Variants in ZKSCAN1 observed in about 807,000 individuals in gnomAD.
ZKSCAN1 encodes zinc finger with KRAB and SCAN domains 1.
Under a neutral mutation model 51.6 loss-of-function variants are expected in ZKSCAN1, and 14 were observed. The ratio of observed to expected loss-of-function variants is 0.27; its 90% CI spans 0.18 to 0.42. ZKSCAN1 has a LOEUF of 0.42. ZKSCAN1 is among the 10% of genes least tolerant of loss of function. The pLI is 1.00. For synonymous variants in ZKSCAN1, 263 were observed against 261.5 expected (o/e 1.01, Z -0.06); for missense variants, 531 against 710.0 (o/e 0.75, Z 2.86).
chr7:100,044,617 C>T (rs1285511454), downstream of ZKSCAN1, among the ~76,000 whole-genome samples: 1 of 145,264 alleles, frequency 6.9e-6, no homozygotes, highest in African/African-American at 2.6e-5. Flanking sequence ...GGAGGTGGAG[C>T]TTGCAATGAG....
At chr7:100,029,593 A>G (rs1194090102) in intron 3 of ZKSCAN1, among the ~76,000 whole-genome samples, 1 of 152,168 alleles carries the variant, frequency 6.6e-6, no homozygotes, top group Non-Finnish European at 1.5e-5. Context: ...AGTCATTTGC[A>G]GTCTCAGGGA....
intron 1 of ZKSCAN1, among the ~76,000 whole-genome samples, chr7:100,016,326 A>G (rs916335580): frequency 2.0e-5 from 3 of 152,070 alleles, no homozygotes. Flanking sequence ...TAGAGATTAT[A>G]TACACCCCAC....
downstream of ZKSCAN1, among the ~76,000 whole-genome samples, chr7:100,043,677 A>AAAATCCAG (rs1791653393): frequency 6.6e-6 from 1 of 151,936 alleles, no homozygotes; most frequent in South Asian, 2.1e-4. Context: ...GCAAGGGCCT[A>AAAATCCAG]AAATCCAGTT....
chr7:100,029,970 T>G lies in ZKSCAN1; in HGVS notation c.672+18T>G. On this transcript the variant is annotated intron_variant, in intron 4 of 5. Transcript: ENST00000324306. ...ATTCCCAGGTGAGCTGTGGCCCCTC[T>G]GCTCTCCTGAGTCCTCAGTGTCTGC... The G allele has an allele frequency of 6.2e-7, 1 of 1,612,792 alleles. No individual in the cohort carries two copies. Among genetic ancestry groups the G allele is most frequent in the Non-Finnish European group, 8.5e-7 (1 of 1,178,770 alleles).
At chr7:100,044,589 G>A (rs1160347849), downstream of ZKSCAN1, among the ~76,000 whole-genome samples, 1 of 150,994 alleles carries the variant, frequency 6.6e-6, no homozygotes, top group Non-Finnish European at 1.5e-5. Flanking sequence ...GCTGAGGCAG[G>A]AGAATGGCGT....
chr7:100,032,374 C>T (rs965355399), intron 5 of ZKSCAN1, among the ~76,000 whole-genome samples: 1 of 152,128 alleles, frequency 6.6e-6, no homozygotes, highest in African/African-American at 2.4e-5. Context: ...GTTGTCTTCC[C>T]TCTGCTCATT....
chr7:100,045,313 C>T (rs912742026), downstream of ZKSCAN1, among the ~76,000 whole-genome samples: 3 of 151,836 alleles, frequency 2.0e-5, no homozygotes, highest in African/African-American at 2.4e-5. Context: ...TTTAGGAGGC[C>T]GAGGTGGGCA....
intron 1 of ZKSCAN1, among the ~76,000 whole-genome samples, chr7:100,017,239 T>C (rs1039956153): frequency 6.6e-6 from 1 of 152,168 alleles, no homozygotes; most frequent in Non-Finnish European, 1.5e-5. Flanking sequence ...TTTTTTTTTT[T>C]TGAGACAGAG....
Position 100,037,750 on chromosome 7 carries a change from G to C in ZKSCAN1, c.*3553G>C, listed in dbSNP as rs1313163739. 4.1e-6 allele frequency: 4 copies of C among 983,750 alleles called. No individual in the cohort carries two copies. The African/African-American group carries it at 5.2e-5, about 13-fold the overall frequency. The allele number at this position is 983,750 out of a possible 1,614,324, so 60.9% of individuals were successfully genotyped here. On this transcript the variant is annotated 3_prime_UTR_variant, in exon 6 of 6. Transcript: ENST00000324306. ...AGCTCAATCTTGGCCGGGCGCCGTGGCTCACGCCTGTAATCGCAGCACTTT... is the reference window on the plus strand; with the variant it reads ...AGCTCAATCTTGGCCGGGCGCCGTGCCTCACGCCTGTAATCGCAGCACTTT...
intron 1 of ZKSCAN1, among the ~76,000 whole-genome samples, chr7:100,020,274 A>G (rs1468415423): frequency 1.3e-5 from 2 of 152,312 alleles, no homozygotes; most frequent in East Asian, 3.9e-4. Context: ...ATGGCAGTCA[A>G]AATACAAGGC....
intron 1 of ZKSCAN1, among the ~76,000 whole-genome samples, chr7:100,022,697 A>T (rs1469887859): frequency 6.6e-6 from 1 of 152,166 alleles, no homozygotes; most frequent in Admixed American, 6.5e-5. Context: ...TACTGAGCAA[A>T]CCTAACCCTC....
rs1006880449 is a variant in ZKSCAN1, at chr7:100,034,325, C to T, written c.*128C>T. 6 of 1,466,968 alleles carry T rather than the reference C, an allele frequency of 4.1e-6. No individual in the cohort carries two copies. The South Asian group carries it at 4.5e-5, about 11-fold the overall frequency. The allele number at this position is 1,466,968 out of a possible 1,614,324, so 90.9% of individuals were successfully genotyped here. ...AAAACAAAAGTCACACTTAAGGATC[C>T]TTCTAGTCACATCAGCAGTGTTCTG... On this transcript the variant is annotated 3_prime_UTR_variant, in exon 6 of 6. Coordinates refer to ENST00000324306, the MANE Select transcript of ZKSCAN1 (RefSeq NM_003439.4).
downstream of ZKSCAN1, among the ~76,000 whole-genome samples, chr7:100,042,737 CGTGT>C (rs34820993): frequency 3.3e-3 from 472 of 144,746 alleles, 3 homozygotes; most frequent in Middle Eastern, 7.0e-3. Context: ...TATAGATACA[CGTGT>C]GTGTGTGTGT....
In ZKSCAN1 at chr7:100,039,456, A is replaced by T. The variant is rs547690144; in HGVS notation, c.*5259A>T. The T allele has an allele frequency of 3.0e-6, 3 of 985,418 alleles. No homozygotes were observed. In the African/African-American group the frequency reaches 5.2e-5, roughly 17 times the overall value. The allele number at this position is 985,418 out of a possible 1,614,324, so 61.0% of individuals were successfully genotyped here. A position where few individuals can be genotyped will look rare whatever the true frequency, so the allele number is the denominator to read the frequency against. On this transcript the variant is annotated 3_prime_UTR_variant, in exon 6 of 6. Coordinates refer to ENST00000324306, the MANE Select transcript of ZKSCAN1 (RefSeq NM_003439.4). The stretch of plus-strand genomic sequence containing the variant: ...TGAAGCTCGGGAAGCATTTTGCAAT[A>T]TTCCCTTTGGCTGTGTTCCTGTGTT...
At position 100,024,135 on chromosome 7, in the gene ZKSCAN1, C is replaced by T. The variant is rs923732517; in HGVS notation, c.427-19C>T. The T allele has an allele frequency of 1.2e-6, 2 of 1,600,600 alleles. No individual in the cohort carries two copies. The highest frequency in any genetic ancestry group is 8.5e-7 in the Non-Finnish European group (1 of 1,173,354). ...TTTACAAAGTGATTTACCCACAAGC[C>T]CAACCTGTCTGTCTTCAGGTCCCAG... On this transcript the variant is annotated intron_variant, in intron 2 of 5. Transcript: ENST00000324306.
At position 100,035,120 on chromosome 7, in the gene ZKSCAN1, A is replaced by G. The variant is rs1791297747; in HGVS notation, c.*923A>G. 6.6e-6 allele frequency: 1 copy of G among 152,588 alleles called. No homozygotes were observed. Among genetic ancestry groups the G allele is most frequent in the African/African-American group, 2.4e-5 (1 of 41,436 alleles). 9.5% of individuals were successfully genotyped at this position (152,588 alleles called of 1,614,324 possible). On this transcript the variant is annotated 3_prime_UTR_variant, in exon 6 of 6. Coordinates refer to ENST00000324306, the MANE Select transcript of ZKSCAN1 (RefSeq NM_003439.4). ...CAGTGCTGGACATAGTGAGTACTGA[A>G]CACCTAAGAGGCACTCATTCAGACT...
At chr7:100,030,503 G>C (rs1354619828) in intron 5 of ZKSCAN1, 128 bp downstream of exon 5, 3 of 1,126,886 alleles carry the variant, frequency 2.7e-6, no homozygotes, top group Non-Finnish European at 3.7e-6. Flanking sequence ...TTGTAGACCA[G>C]ATGGAAAGTG....
rs934978063 is a variant in ZKSCAN1 at position 100,037,739 on chromosome 7, C to T, written c.*3542C>T. 5 of 985,256 alleles carry T rather than the reference C, an allele frequency of 5.1e-6. No individual in the cohort carries two copies. Among genetic ancestry groups the T allele is most frequent in the South Asian group, 4.7e-5 (1 of 21,288 alleles). 61.0% of individuals were successfully genotyped at this position (985,256 alleles called of 1,614,324 possible). On this transcript the variant is annotated 3_prime_UTR_variant, in exon 6 of 6. Transcript: ENST00000324306. Reference sequence around the variant, plus strand: ...TTGCAAGAGGGAGCTCAATCTTGGCCGGGCGCCGTGGCTCACGCCTGTAAT... The same window carrying T: ...TTGCAAGAGGGAGCTCAATCTTGGCTGGGCGCCGTGGCTCACGCCTGTAAT...
rs151037516 is a variant in ZKSCAN1 at position 100,033,558 on chromosome 7, G to A, written c.1053G>A (p.Gly351=). Residue 351 remains glycine (G), a synonymous_variant, in exon 6 of 6, where the codon GGG becomes GGA. Coordinates refer to ENST00000324306, the MANE Select transcript of ZKSCAN1 (RefSeq NM_003439.4). This position sits in a 1 kb window ranked among gnomAD's most constrained non-coding sequence, Gnocchi z 4.1. ...GAGAGAGAGGTCCAAGGGAGAAGGG[G>A]AAAGGATTGGGAAGAAGCTTCAGTC... ...ITGERGPREK[G]KGLGRSFSLS... is the part of the protein sequence containing the mutation. The A allele has an allele frequency of 1.9e-3, 3,004 of 1,614,156 alleles. 3 individuals carry two copies. Among genetic ancestry groups the A allele is most frequent in the Non-Finnish European group, 2.4e-3 (2,818 of 1,180,034 alleles).
Sources: gnomAD v4.1 joint callset for allele counts (sites outside exome capture counted in the v4.1 genomes callset) on GRCh38, gnomAD v4.1.1 for gene constraint, Gnocchi (gnomAD v3.1) non-coding constraint, MANE v1.5 for transcripts, NCBI Gene and HGNC (gene_info 2026-07-23, HGNC 2026-07-21) for gene names.